PPM1L: variants seen among roughly 807,000 people sequenced by gnomAD.
The protein encoded by PPM1L is protein phosphatase 1L.
Under a neutral mutation model 31.4 loss-of-function variants are expected in PPM1L, and 13 were observed. The observed-to-expected ratio is 0.41, with a 90% CI of 0.27 to 0.66. The LOEUF is 0.66. PPM1L is among the 30% of genes least tolerant of loss of function. The pLI, the probability that PPM1L is intolerant of heterozygous loss-of-function variation, is 0.29. For synonymous variants in PPM1L, 184 were observed against 175.4 expected, an observed-to-expected ratio of 1.05 and a Z score of -0.39; for missense variants, 326 against 453.7, an observed-to-expected ratio of 0.72 and a Z score of 2.56.
chr3:160,980,986 A>G (rs1204071115), intron 2 of PPM1L, among the ~76,000 whole-genome samples: 1 of 152,134 alleles, frequency 6.6e-6, no homozygotes, highest in Non-Finnish European at 1.5e-5. Flanking sequence ...AGGATTACCT[A>G]TTATTATACT....
intron 2 of PPM1L, among the ~76,000 whole-genome samples, chr3:161,050,676 A>G (rs541327602): frequency 6.6e-6 from 1 of 152,266 alleles, no homozygotes; most frequent in South Asian, 2.1e-4. Flanking sequence ...ATGACAATAT[A>G]TATTCTTCAG....
At chr3:160,789,419 T>C (rs1712033248) in intron 1 of PPM1L, among the ~76,000 whole-genome samples, 1 of 151,944 alleles carries the variant, frequency 6.6e-6, no homozygotes, top group Non-Finnish European at 1.5e-5. Context: ...TATTTGTATC[T>C]CTCTTATTAT....
At chr3:160,782,636 A>T (rs1336954318) in intron 1 of PPM1L, among the ~76,000 whole-genome samples, 1 of 152,242 alleles carries the variant, frequency 6.6e-6, no homozygotes, top group Non-Finnish European at 1.5e-5. Context: ...TCCTAAACTA[A>T]CATGATTGAC....
At chr3:160,999,029 T>C (rs1052674953) in intron 2 of PPM1L, among the ~76,000 whole-genome samples, 4 of 152,174 alleles carry the variant, frequency 2.6e-5, no homozygotes, top group Non-Finnish European at 5.9e-5. Context: ...GAGGATAACA[T>C]GGTTGCTACC....
chr3:160,914,830 G>C (rs956124941), intron 1 of PPM1L, among the ~76,000 whole-genome samples: 3 of 152,092 alleles, frequency 2.0e-5, no homozygotes, highest in Admixed American at 6.5e-5. Context: ...GGGTCAAATG[G>C]TATTTCTAGT....
intron 1 of PPM1L, among the ~76,000 whole-genome samples, chr3:160,840,759 G>GGAGAGAGAGAGAGAAA (rs1560122354): frequency 6.9e-6 from 1 of 145,404 alleles, no homozygotes; most frequent in Non-Finnish European, 1.5e-5. Context: ...AGAGAAAGAA[G>GGAGAGAGAGAGAGAAA]GAGAGAGAGA....
chr3:160,855,743 A>G (rs1168325656), intron 1 of PPM1L, among the ~76,000 whole-genome samples: 1 of 152,182 alleles, frequency 6.6e-6, no homozygotes, highest in Non-Finnish European at 1.5e-5. Context: ...AGAAAAAGGA[A>G]CACTTATACA....
intron 1 of PPM1L, among the ~76,000 whole-genome samples, chr3:160,795,877 T>C (rs951648703): frequency 5.9e-5 from 9 of 152,226 alleles, no homozygotes; most frequent in African/African-American, 1.7e-4. Flanking sequence ...GTTTTCTCTG[T>C]AGCTCTTTGA....
In PPM1L at chr3:161,073,099, C is replaced by CAA. The variant is rs1041449175; in HGVS notation, c.*3943_*3944insAA. The stretch of plus-strand genomic sequence containing the variant: ...GTTTCCCAAAGTGTGTTCCAAAGAA[C>CAA]ACAAGTTCCAAAGATGCTCTTCTAA... On this transcript the variant is annotated 3_prime_UTR_variant, in exon 4 of 4. Coordinates refer to ENST00000498165, the MANE Select transcript of PPM1L (RefSeq NM_139245.4). 1.3e-5 allele frequency: 2 copies of CAA among 152,162 alleles called. No homozygotes were observed. The highest frequency in any genetic ancestry group is 4.8e-5 in the African/African-American group (2 of 41,422). 9.4% of individuals were successfully genotyped at this position (152,162 alleles called of 1,614,324 possible).
chr3:161,057,646 CAA>C (rs966854123), intron 2 of PPM1L, among the ~76,000 whole-genome samples: 6 of 151,960 alleles, frequency 3.9e-5, no homozygotes, highest in African/African-American at 1.4e-4. Flanking sequence ...AGAGTTCATA[CAA>C]AAAAGACTTC....
intron 1 of PPM1L, among the ~76,000 whole-genome samples, chr3:160,812,611 A>ATT (rs143284332): frequency 4.6e-5 from 7 of 151,144 alleles, no homozygotes; most frequent in African/African-American, 1.7e-4. Flanking sequence ...TAATAGGAGC[A>ATT]TTTTTTTTTG....
chr3:160,833,240 G>C (rs1035659274), intron 1 of PPM1L, among the ~76,000 whole-genome samples: 1 of 152,198 alleles, frequency 6.6e-6, no homozygotes, highest in Non-Finnish European at 1.5e-5. Flanking sequence ...AAGTATGCAT[G>C]TATCTTTGTA....
chr3:161,010,031 T>A (rs1717838769), intron 2 of PPM1L, among the ~76,000 whole-genome samples: 1 of 152,212 alleles, frequency 6.6e-6, no homozygotes, highest in Admixed American at 6.5e-5. Context: ...TACTTTAAGT[T>A]CTAGGGTACA....
intron 1 of PPM1L, among the ~76,000 whole-genome samples, chr3:160,930,510 A>C (rs959446730): frequency 6.6e-6 from 1 of 152,196 alleles, no homozygotes; most frequent in African/African-American, 2.4e-5. Context: ...CACAGCTTCC[A>C]ATTTGTACTG....
chr3:161,058,584 A>G (rs1208412339), intron 2 of PPM1L, among the ~76,000 whole-genome samples: 1 of 152,048 alleles, frequency 6.6e-6, no homozygotes, highest in Non-Finnish European at 1.5e-5. Context: ...ATACTATACA[A>G]ACTCATAATG....
At chr3:161,063,944 T>C (rs1719649503) in intron 2 of PPM1L, among the ~76,000 whole-genome samples, 1 of 152,090 alleles carries the variant, frequency 6.6e-6, no homozygotes, top group South Asian at 2.1e-4. Flanking sequence ...CCACATGTTC[T>C]CACTCGTAAG....
At chr3:160,961,235 T>C (rs1715955306) in intron 1 of PPM1L, among the ~76,000 whole-genome samples, 1 of 152,180 alleles carries the variant, frequency 6.6e-6, no homozygotes, top group African/African-American at 2.4e-5. Context: ...ATTATTTCAT[T>C]ATCAGCCCTA....
chr3:160,957,948 A>T (rs930574025), intron 1 of PPM1L, among the ~76,000 whole-genome samples: 7 of 152,088 alleles, frequency 4.6e-5, no homozygotes, highest in African/African-American at 1.7e-4. Context: ...TGTTGGCTGC[A>T]TGTATGTGTT....
chr3:160,835,129 T>C (rs1249069709), intron 1 of PPM1L, among the ~76,000 whole-genome samples: 1 of 148,896 alleles, frequency 6.7e-6, no homozygotes, highest in Non-Finnish European at 1.5e-5. Context: ...TTCTTCTTTC[T>C]TCCTTCTTCC....
Sources: gnomAD v4.1 joint callset for allele counts (sites outside exome capture counted in the v4.1 genomes callset) on GRCh38, gnomAD v4.1.1 for gene constraint, MANE v1.5 for transcripts, NCBI Gene and HGNC (gene_info 2026-07-23, HGNC 2026-07-21) for gene names.